Variants in DENND4A observed in about 807,000 individuals in gnomAD.
The protein encoded by DENND4A is C-myc promoter-binding protein.
DENND4A carries 70 observed loss-of-function variants against 199.3 expected under a neutral mutation model. The ratio of observed to expected loss-of-function variants is 0.35; its 90% CI spans 0.29 to 0.43. The LOEUF is 0.43. DENND4A is among the 20% of genes least tolerant of loss of function. DENND4A has a pLI of 1.00. For missense variants in DENND4A, 1,723 were observed against 2,255.8 expected (o/e 0.76, Z 4.78); for synonymous variants, 686 against 766.9 (o/e 0.89, Z 1.74).
At chr15:65,687,486 G>T (rs919584401) in intron 23 of DENND4A, among the ~76,000 whole-genome samples, 3 of 151,770 alleles carry the variant, frequency 2.0e-5, no homozygotes, top group Non-Finnish European at 4.4e-5. Flanking sequence ...TATTCCTGAA[G>T]ATGCAGGTTT....
rs1203141167 is a variant in DENND4A, at chr15:65,781,591, A to T, written c.-102+10419T>A. Among the ~76,000 whole-genome samples, 3 of 152,234 alleles carry T rather than the reference A, an allele frequency of 2.0e-5. 1 individual carries two copies. The East Asian group carries it at 5.8e-4, about 29-fold the overall frequency. On this transcript the variant is annotated intron_variant, in intron 1 of 32. Coordinates refer to ENST00000443035, the MANE Select transcript of DENND4A (RefSeq NM_001320835.1). ...GATGGAAGAAATCATGAATGATTCC[A>T]AAGTTTCTTCCTTGGTTGATGAAGT...
At chr15:65,697,176 A>G (rs1235608164) in intron 21 of DENND4A, 91 bp downstream of exon 21, 8 of 786,344 alleles carry the variant, frequency 1.0e-5, no homozygotes, top group South Asian at 3.7e-5. Flanking sequence ...GGAAAAATGG[A>G]AAGTAAAACC....
chr15:65,737,547 A>T (rs558141768), intron 7 of DENND4A, among the ~76,000 whole-genome samples, 160 bp downstream of exon 7: 2 of 152,308 alleles, frequency 1.3e-5, no homozygotes, highest in African/African-American at 4.8e-5. Flanking sequence ...CAAGACTACA[A>T]ACATACAATG....
chr15:65,723,381 G>C (rs1364557125), intron 11 of DENND4A, among the ~76,000 whole-genome samples: 1 of 151,988 alleles, frequency 6.6e-6, no homozygotes, highest in African/African-American at 2.4e-5. Context: ...GATCCACAGA[G>C]CTTATCAAAA....
At chr15:65,731,351 G>A in intron 9 of DENND4A, 1 of 436,456 alleles carries the variant, frequency 2.3e-6, no homozygotes, top group Non-Finnish European at 4.5e-6. Flanking sequence ...GTTAATTAAA[G>A]CTAAAAATAA....
chr15:65,743,797 C>T (rs116687855), intron 4 of DENND4A, among the ~76,000 whole-genome samples: 3 of 152,148 alleles, frequency 2.0e-5, no homozygotes, highest in African/African-American at 7.2e-5. Flanking sequence ...AAAGTATGCC[C>T]GTCATGACCT....
intron 1 of DENND4A, among the ~76,000 whole-genome samples, chr15:65,787,171 A>T (rs769788203): frequency 6.6e-6 from 1 of 152,216 alleles, no homozygotes; most frequent in Non-Finnish European, 1.5e-5. Context: ...AAACAATATT[A>T]CAATAAAATT....
intron 15 of DENND4A, 58 bp downstream of exon 15, chr15:65,706,033 G>A (rs138329002): frequency 0.016 from 22,688 of 1,429,400 alleles, 206 homozygotes; most frequent in Non-Finnish European, 0.018. Flanking sequence ...AGAAAGCTAC[G>A]TCACAGATGA....
At chr15:65,714,194 G>A (rs748396421) in intron 14 of DENND4A, among the ~76,000 whole-genome samples, 2 of 151,912 alleles carry the variant, frequency 1.3e-5, no homozygotes, top group Non-Finnish European at 2.9e-5. Context: ...GGCAGATCAC[G>A]AGGTCAGGAG....
At position 65,659,328 on chromosome 15, in the gene DENND4A, T is replaced by G. The variant is rs1470984697; in HGVS notation, c.*2523A>C. Reference sequence around the variant, plus strand: ...AAATGATTGATATTTTCTGGTTTTTTTTTTTTTTTTTTTTTTTTTTTTTGA... The same window carrying G: ...AAATGATTGATATTTTCTGGTTTTTGTTTTTTTTTTTTTTTTTTTTTTTGA... On this transcript the variant is annotated 3_prime_UTR_variant, in exon 33 of 33. Transcript: ENST00000443035. 2.4e-5 allele frequency: 3 copies of G among 123,616 alleles called. No homozygotes were observed. Among genetic ancestry groups the G allele is most frequent in the African/African-American group, 5.9e-5 (2 of 33,872 alleles). 7.7% of individuals were successfully genotyped at this position (123,616 alleles called of 1,614,324 possible).
intron 1 of DENND4A, among the ~76,000 whole-genome samples, chr15:65,779,040 G>A (rs369683809): frequency 1.3e-5 from 2 of 152,140 alleles, no homozygotes; most frequent in African/African-American, 2.4e-5. Context: ...GAGACAGTAA[G>A]ACGGCTTGAG....
intron 29 of DENND4A, among the ~76,000 whole-genome samples, chr15:65,666,968 GA>G (rs1249215572): frequency 6.6e-6 from 1 of 151,792 alleles, no homozygotes; most frequent in African/African-American, 2.4e-5. Context: ...TAGCCTGTAA[GA>G]AGAAAATATT....
intron 1 of DENND4A, among the ~76,000 whole-genome samples, chr15:65,772,706 CAAAAAAAAAAA>C (rs34181353): frequency 8.9e-5 from 3 of 33,568 alleles, no homozygotes; most frequent in African/African-American, 1.2e-4. Flanking sequence ...GACTCCGTCT[CAAAAAAAAAAA>C]AAAAAAAAAA....
chr15:65,790,548 T>C (rs545684934), intron 1 of DENND4A, among the ~76,000 whole-genome samples: 9 of 152,104 alleles, frequency 5.9e-5, no homozygotes, highest in Non-Finnish European at 1.0e-4. Context: ...AAAAAGAAAA[T>C]TATGTAACAT....
intron 2 of DENND4A, 93 bp from the exon 3 acceptor site, chr15:65,756,565 G>T: frequency 1.2e-6 from 1 of 805,818 alleles, no homozygotes; most frequent in South Asian, 2.0e-5. Context: ...ACTACAAAAA[G>T]AGCACTAGTT....
At chr15:65,730,868 G>A (rs1003332044) in intron 9 of DENND4A, among the ~76,000 whole-genome samples, 10 of 152,028 alleles carry the variant, frequency 6.6e-5, no homozygotes, top group Non-Finnish European at 1.5e-4. Flanking sequence ...TTAATTGGGT[G>A]AATTACATGA....
Position 65,670,099 on chromosome 15 carries a change from T to C in DENND4A, c.4554A>G (p.Ser1518=). 1 of 1,605,852 alleles carries C rather than the reference T, an allele frequency of 6.2e-7. No homozygotes were observed. The highest frequency in any genetic ancestry group is 8.5e-7 in the Non-Finnish European group (1 of 1,175,628). ...AGAATGGGCATGTAGTATTGAGATT[T>C]GAATCATCTGCTGTCCAGCCAGCCA... ...EIMAGWTADD[S]NLNTTCPFCG... The change falls in exon 26 of 33, where the codon TCA becomes TCG. Residue 1518 remains serine (S), a synonymous_variant. Transcript: ENST00000443035.
intron 12 of DENND4A, among the ~76,000 whole-genome samples, chr15:65,721,381 A>G (rs1045573397): frequency 6.6e-6 from 1 of 152,080 alleles, no homozygotes; most frequent in African/African-American, 2.4e-5. Context: ...ACTACACTAT[A>G]CACTATGATG....
chr15:65,735,008 A>C (rs548386332), intron 7 of DENND4A, among the ~76,000 whole-genome samples: 9 of 152,278 alleles, frequency 5.9e-5, no homozygotes, highest in African/African-American at 2.2e-4. Flanking sequence ...GCTTGAGCCC[A>C]GGAGGTCCAG....
Sources: gnomAD v4.1 joint callset for allele counts (sites outside exome capture counted in the v4.1 genomes callset) on GRCh38, gnomAD v4.1.1 for gene constraint, MANE v1.5 for transcripts, NCBI Gene and HGNC (gene_info 2026-07-23, HGNC 2026-07-21) for gene names.